The following PPP1R13B variants were observed in gnomAD, a reference collection of about 807,000 sequenced individuals.
PPP1R13B encodes protein phosphatase 1 regulatory subunit 13B.
PPP1R13B carries 44 observed loss-of-function variants against 119.8 expected under a neutral mutation model. The observed-to-expected ratio is 0.37, with a 90% CI of 0.29 to 0.47. The LOEUF (loss-of-function observed/expected upper bound fraction) is 0.47, where lower values mean the gene tolerates loss of function less well. Among genes scored for constraint, PPP1R13B ranks in the 20% least tolerant of loss-of-function variants. The pLI is 0.99. For synonymous variants in PPP1R13B, 542 were observed against 561.5 expected (o/e 0.97, Z 0.49); for missense variants, 1,227 against 1,413.5 (o/e 0.87, Z 2.12).
At chr14:103,848,285 C>T (rs903360069), upstream of PPP1R13B, 58 of 985,350 alleles carry the variant, frequency 5.9e-5, no homozygotes, top group Non-Finnish European at 7.0e-5. Flanking sequence ...CGCCAGCATC[C>T]CTCGAGGTCC....
chr14:103,753,755 T>C (rs1461200106), intron 6 of PPP1R13B, among the ~76,000 whole-genome samples: 1 of 152,056 alleles, frequency 6.6e-6, no homozygotes, highest in Non-Finnish European at 1.5e-5. Context: ...GAGATCTTTT[T>C]ATTTTTTTTT....
chr14:103,811,014 AC>A (rs2086140695), intron 1 of PPP1R13B, among the ~76,000 whole-genome samples: 1 of 148,510 alleles, frequency 6.7e-6, no homozygotes, highest in Admixed American at 6.9e-5. Flanking sequence ...AATTGCTTAA[AC>A]CCGGGAGGCA....
Position 103,736,265 on chromosome 14 carries a change from C to G in PPP1R13B, c.3032-63G>C. On this transcript the variant is annotated intron_variant, in intron 15 of 16. Coordinates refer to ENST00000202556, the MANE Select transcript of PPP1R13B (RefSeq NM_015316.3). ...GTGGCCTGCAGCAAGGGACCCTGCT[C>G]GAGGAACAGGACACAGTCGTGCTGC... is the stretch of plus-strand genomic sequence containing the variant. 3.9e-6 allele frequency: 6 copies of G among 1,541,916 alleles called. 1 individual carries two copies. The Middle Eastern group carries it at 8.4e-4, about 217-fold the overall frequency.
chr14:103,736,536 A>G (rs2084118106), intron 15 of PPP1R13B: 1 of 360,618 alleles, frequency 2.8e-6, no homozygotes, highest in Admixed American at 4.1e-5. Context: ...CACTAGCTAG[A>G]GCAGCTGTGA....
chr14:103,800,604 A>T (rs2085875717), intron 1 of PPP1R13B, among the ~76,000 whole-genome samples: 1 of 152,042 alleles, frequency 6.6e-6, no homozygotes, highest in African/African-American at 2.4e-5. Context: ...GCAATGAGCC[A>T]AGATTGCACC....
At chr14:103,782,446 T>C (rs990773916) in intron 3 of PPP1R13B, among the ~76,000 whole-genome samples, 4 of 152,252 alleles carry the variant, frequency 2.6e-5, no homozygotes, top group African/African-American at 9.6e-5. Context: ...ACCCTGTTTA[T>C]ATATCATTTT....
intron 1 of PPP1R13B, among the ~76,000 whole-genome samples, chr14:103,812,059 C>CAA (rs557000296): frequency 1.1e-3 from 64 of 57,504 alleles, no homozygotes; most frequent in East Asian, 2.8e-3. Flanking sequence ...GACTCCCCCT[C>CAA]AAAAAAAAAA....
At chr14:103,805,128 T>C (rs528488504) in intron 1 of PPP1R13B, among the ~76,000 whole-genome samples, 1 of 152,208 alleles carries the variant, frequency 6.6e-6, no homozygotes, top group Non-Finnish European at 1.5e-5. Flanking sequence ...TGAGCCACTA[T>C]GCCCGGCCTA....
chr14:103,773,101 A>C (rs904372290), intron 4 of PPP1R13B, among the ~76,000 whole-genome samples: 1 of 152,200 alleles, frequency 6.6e-6, no homozygotes, highest in African/African-American at 2.4e-5. Context: ...TACCTTTCAA[A>C]ATAATAATAA....
At position 103,739,957 on chromosome 14, in the gene PPP1R13B, T is replaced by C. The variant is rs1416553351; in HGVS notation, c.2459A>G (p.Asn820Ser). ...GGGGACCGTGGCCACGTTGTTGTTA[T>C]TGTCCTCTGCCGGCTCGGCAGTTTG... is the stretch of plus-strand genomic sequence containing the variant. ...THQTAEPAED[N>S]NNNVATVPTT... is the part of the protein sequence containing the mutation. The change falls in exon 12 of 17, where the codon AAT (asparagine) becomes AGT (serine). Residue 820 changes from asparagine to serine, a missense_variant. Coordinates refer to ENST00000202556, the MANE Select transcript of PPP1R13B (RefSeq NM_015316.3). 5.0e-6 allele frequency: 8 copies of C among 1,614,030 alleles called. No individual in the cohort carries two copies. The highest frequency in any genetic ancestry group is 2.2e-5 in the South Asian group (2 of 91,094).
chr14:103,763,446 C>A (rs1192806212), intron 4 of PPP1R13B, among the ~76,000 whole-genome samples: 1 of 151,828 alleles, frequency 6.6e-6, no homozygotes, highest in African/African-American at 2.4e-5. Context: ...GTACTTTTAT[C>A]TTTAATTATC....
At chr14:103,842,835 G>T (rs1293931144) in intron 1 of PPP1R13B, among the ~76,000 whole-genome samples, 2 of 151,672 alleles carry the variant, frequency 1.3e-5, no homozygotes, top group Admixed American at 1.3e-4. Context: ...AAATTAGCCA[G>T]GCATGGTGGC....
chr14:103,755,022 T>C (rs1410061965), intron 5 of PPP1R13B, among the ~76,000 whole-genome samples: 1 of 152,158 alleles, frequency 6.6e-6, no homozygotes, highest in East Asian at 1.9e-4. Context: ...GACCTCGTGA[T>C]CCACCCGCCT....
intron 4 of PPP1R13B, among the ~76,000 whole-genome samples, chr14:103,765,986 T>TTCATTA (rs1555436562): frequency 1.8e-4 from 25 of 139,076 alleles, no homozygotes; most frequent in Non-Finnish European, 3.2e-4. Context: ...AAATTTTTAT[T>TTCATTA]TTATTATTAT....
intron 4 of PPP1R13B, among the ~76,000 whole-genome samples, chr14:103,773,013 T>C (rs937194308): frequency 2.0e-5 from 3 of 152,196 alleles, no homozygotes; most frequent in Admixed American, 2.0e-4. Flanking sequence ...TATTAAGCTT[T>C]GGGAGTTCTT....
intron 2 of PPP1R13B, among the ~76,000 whole-genome samples, chr14:103,790,392 T>C (rs779137194): frequency 5.9e-5 from 9 of 152,176 alleles, no homozygotes; most frequent in Admixed American, 3.3e-4. Context: ...ATGTTGAAAC[T>C]GAATCCCCAA....
intron 2 of PPP1R13B, among the ~76,000 whole-genome samples, chr14:103,796,218 G>A (rs2085754104): frequency 6.6e-6 from 1 of 152,144 alleles, no homozygotes; most frequent in Non-Finnish European, 1.5e-5. Flanking sequence ...AGAAGATAGA[G>A]GTTGCAGTGA....
At chr14:103,807,709 T>C (rs2086051153) in intron 1 of PPP1R13B, among the ~76,000 whole-genome samples, 1 of 152,026 alleles carries the variant, frequency 6.6e-6, no homozygotes, top group Admixed American at 6.6e-5. Flanking sequence ...TTAGCCAGGA[T>C]GGTCTCGATC....
chr14:103,840,420 G>C (rs770733362), intron 1 of PPP1R13B, among the ~76,000 whole-genome samples: 1 of 152,202 alleles, frequency 6.6e-6, no homozygotes, highest in African/African-American at 2.4e-5. Flanking sequence ...AGGATGCTGA[G>C]AAAGGAATGA....
Sources: allele counts gnomAD v4.1 joint callset (sites outside exome capture counted in the v4.1 genomes callset), GRCh38; gene constraint gnomAD v4.1.1; transcripts MANE v1.5; gene names NCBI Gene and HGNC (gene_info 2026-07-23, HGNC 2026-07-21).